Variants in PFKFB3 observed in about 807,000 individuals in gnomAD.
PFKFB3 encodes 6-phosphofructo-2-kinase/fructose-2,6-biphosphatase 3.
PFKFB3 carries 33 observed loss-of-function variants against 68.0 expected under a neutral mutation model. The observed-to-expected ratio is 0.49, with a 90% CI of 0.37 to 0.65. The LOEUF is 0.65. Among genes scored for constraint, PFKFB3 ranks in the 30% least tolerant of loss-of-function variants. The pLI, the probability that PFKFB3 is intolerant of heterozygous loss-of-function variation, is 0.00. For missense variants in PFKFB3, 586 were observed against 712.2 expected, an observed-to-expected ratio of 0.82 and a Z score of 2.02; for synonymous variants, 315 against 288.2, an observed-to-expected ratio of 1.09 and a Z score of -0.94.
downstream of PFKFB3, among the ~76,000 whole-genome samples, chr10:6,238,477 CAAAAAAAAAAA>C (rs71390201): frequency 1.1e-5 from 1 of 89,556 alleles, no homozygotes; most frequent in African/African-American, 6.9e-5. Context: ...GGTGCCATCT[CAAAAAAAAAAA>C]AAAAAAAAAA....
intron 1 of PFKFB3, among the ~76,000 whole-genome samples, chr10:6,173,428 G>A (rs1223266968): frequency 1.3e-5 from 2 of 152,226 alleles, no homozygotes; most frequent in African/African-American, 4.8e-5. Flanking sequence ...ACCGCTTCCT[G>A]TGAAGGAGTT....
rs371430654 is a variant in PFKFB3, at chr10:6,182,308, C to T, written c.17-31315C>T. On this transcript the variant is annotated intron_variant, in intron 1 of 14. Coordinates refer to the PFKFB3 transcript ENST00000379789. Reference sequence around the variant, plus strand: ...CACGCACACACACACCCCTTGAGGTCTAGACTGGGGGTCTGGGTGCAGGAG... The same window carrying T: ...CACGCACACACACACCCCTTGAGGTTTAGACTGGGGGTCTGGGTGCAGGAG... Among the ~76,000 whole-genome samples the T allele has an allele frequency of 5.3e-5, 8 of 152,228 alleles. No individual in the cohort carries two copies. In the East Asian group the frequency reaches 1.6e-3, roughly 30 times the overall value.
the PFKFB3 span, among the ~76,000 whole-genome samples, chr10:6,296,064 T>A: frequency 6.6e-6 from 1 of 152,174 alleles, no homozygotes; most frequent in African/African-American, 2.4e-5. Flanking sequence ...CTCTCCAGTT[T>A]TGGGGACAGA....
intron 14 of PFKFB3, among the ~76,000 whole-genome samples, chr10:6,230,667 C>T (rs578034726): frequency 6.6e-6 from 1 of 151,830 alleles, no homozygotes; most frequent in African/African-American, 2.4e-5. Context: ...AGCAGGAACA[C>T]CCAGACTTGG....
At chr10:6,200,625 C>T (rs1479361720), upstream of PFKFB3, among the ~76,000 whole-genome samples, 1 of 143,384 alleles carries the variant, frequency 7.0e-6, no homozygotes, top group South Asian at 2.3e-4. Context: ...TCCTTGCTCC[C>T]ACGCACTCCC....
At chr10:6,221,319 C>A in intron 8 of PFKFB3, 62 bp from the exon 9 acceptor site, 3 of 1,595,866 alleles carry the variant, frequency 1.9e-6, no homozygotes, top group Non-Finnish European at 2.6e-6. Flanking sequence ...CCTGCTCCAG[C>A]CCTGGCTCTT....
Position 6,226,487 on chromosome 10 carries a change from G to A in PFKFB3, c.1515+122G>A, listed in dbSNP as rs1845367602. 4 of 897,820 alleles carry A rather than the reference G, an allele frequency of 4.5e-6. No individual in the cohort carries two copies. In the South Asian group the frequency reaches 5.0e-5, roughly 11 times the overall value. 55.6% of individuals were successfully genotyped at this position (897,820 alleles called of 1,614,324 possible). ...TGCGTGGGTGCGTGTGGGTGCGCGT[G>A]CGTATGTTGTAGGTGTCTGTGCACG... is the stretch of plus-strand genomic sequence containing the variant. On this transcript the variant is annotated intron_variant, in intron 14 of 14. Coordinates refer to ENST00000379775, the MANE Select transcript of PFKFB3 (RefSeq NM_004566.4).
At chr10:6,277,505 G>A in the PFKFB3 span, among the ~76,000 whole-genome samples, 3 of 152,174 alleles carry the variant, frequency 2.0e-5, no homozygotes, top group Non-Finnish European at 4.4e-5. Context: ...ACAGGTGTGA[G>A]CCACCACACC....
At chr10:6,237,178 G>A (rs960151009), downstream of PFKFB3, among the ~76,000 whole-genome samples, 1 of 152,228 alleles carries the variant, frequency 6.6e-6, no homozygotes, top group Non-Finnish European at 1.5e-5. Flanking sequence ...CAAAGCCTAT[G>A]CCAAAAAGGC....
intron 14 of PFKFB3, among the ~76,000 whole-genome samples, chr10:6,245,302 G>A (rs1011901049): frequency 2.6e-5 from 4 of 151,958 alleles, no homozygotes; most frequent in Non-Finnish European, 4.4e-5. Flanking sequence ...TCACCATGTT[G>A]GCCAGACTGG....
Position 6,233,139 on chromosome 10 carries a change from G to T in PFKFB3, c.*197G>T. 2 of 564,944 alleles carry T rather than the reference G, an allele frequency of 3.5e-6. No homozygotes were observed. Among genetic ancestry groups the T allele is most frequent in the Non-Finnish European group, 6.4e-6 (2 of 314,828 alleles). The allele number at this position is 564,944 out of a possible 1,614,324, so 35.0% of individuals were successfully genotyped here. A position where few individuals can be genotyped will look rare whatever the true frequency, so the allele number is the denominator to read the frequency against. ...CGCTGGACACCAGAAAGCCACGTGG[G>T]TCCCTGGCGCCCTGCCTTTAGCCGT... On this transcript the variant is annotated 3_prime_UTR_variant, in exon 15 of 15. Transcript: ENST00000379775.
At chr10:6,246,064 C>G (rs952944292) in intron 14 of PFKFB3, among the ~76,000 whole-genome samples, 3 of 152,202 alleles carry the variant, frequency 2.0e-5, no homozygotes, top group Non-Finnish European at 4.4e-5. Context: ...CTCCCACTTC[C>G]TCCCCATGGC....
chr10:6,163,481 G>C (rs1349839917), intron 1 of PFKFB3, among the ~76,000 whole-genome samples: 1 of 152,194 alleles, frequency 6.6e-6, no homozygotes, highest in African/African-American at 2.4e-5. Context: ...CCTGTGCTGA[G>C]GGCGGTAAGA....
chr10:6,221,910 G>C (rs1159472987), intron 10 of PFKFB3, among the ~76,000 whole-genome samples, 165 bp downstream of exon 10: 4 of 152,164 alleles, frequency 2.6e-5, no homozygotes, highest in Non-Finnish European at 5.9e-5. Flanking sequence ...TAACAGCCTG[G>C]GGTGAAGTGC....
Position 6,249,178 on chromosome 10 carries a change from T to TAAA in PFKFB3, c.1516-4977_1516-4975dup, listed in dbSNP as rs71391803. Reference sequence around the variant, plus strand: ...AACAAGAGCAAAACTCCGTCTCAATTAAAAAAAAAAAAAAAAAAAAAAAAA... The same window carrying TAAA: ...AACAAGAGCAAAACTCCGTCTCAATTAAAAAAAAAAAAAAAAAAAAAAAAAAAA... On this transcript the variant is annotated intron_variant, in intron 14 of 14. Transcript: ENST00000640683. Among the ~76,000 whole-genome samples the TAAA allele has an allele frequency of 1.9e-3, 147 of 76,938 alleles. 1 individual carries two copies. The highest frequency in any genetic ancestry group is 6.6e-3 in the African/African-American group (137 of 20,624). 50.5% of individuals were successfully genotyped at this position (76,938 alleles called of 152,430 possible).
At chr10:6,314,802 G>A in the PFKFB3 span, among the ~76,000 whole-genome samples, 2 of 152,210 alleles carry the variant, frequency 1.3e-5, no homozygotes, top group African/African-American at 4.8e-5. Context: ...GGGCTCAGCG[G>A]AGTTTGTGAC....
chr10:6,296,122 T>C, the PFKFB3 span, among the ~76,000 whole-genome samples: 1 of 152,198 alleles, frequency 6.6e-6, no homozygotes, highest in Non-Finnish European at 1.5e-5. Context: ...AAGTTGATGA[T>C]CTTTAGTTTG....
the PFKFB3 span, among the ~76,000 whole-genome samples, chr10:6,304,319 G>A: frequency 3.3e-5 from 5 of 151,956 alleles, no homozygotes; most frequent in African/African-American, 1.2e-4. Context: ...ATCTAAACCT[G>A]TGTAACCTGA....
At chr10:6,253,659 AG>A (rs1846430747) in intron 14 of PFKFB3, among the ~76,000 whole-genome samples, 1 of 152,022 alleles carries the variant, frequency 6.6e-6, no homozygotes, top group African/African-American at 2.4e-5. Context: ...GAAAAAAAAA[AG>A]ATGCGGTCAT....
Sources: gnomAD v4.1 joint callset for allele counts (sites outside exome capture counted in the v4.1 genomes callset) on GRCh38, gnomAD v4.1.1 for gene constraint, MANE v1.5 for transcripts, NCBI Gene and HGNC (gene_info 2026-07-23, HGNC 2026-07-21) for gene names.